Variants in FRAS1 observed in about 807,000 individuals in gnomAD.
FRAS1 encodes extracellular matrix organizing protein FRAS1.
In FRAS1, 290 loss-of-function variants were observed where a neutral mutation model predicts 435.2. The observed-to-expected ratio is 0.67, with a 90% CI of 0.61 to 0.73. The LOEUF (loss-of-function observed/expected upper bound fraction) is 0.73. Among genes scored for constraint, FRAS1 ranks in the 30% least tolerant of loss-of-function variants. The pLI is 0.00. For synonymous variants in FRAS1, 1,800 were observed against 1,851.0 expected (o/e 0.97, Z 0.71); for missense variants, 4,860 against 5,001.5 (o/e 0.97, Z 0.85).
At chr4:78,407,542 C>T (rs1249555715) in intron 30 of FRAS1, 121 bp from the exon 31 acceptor site, 1 of 746,880 alleles carries the variant, frequency 1.3e-6, no homozygotes, top group Non-Finnish European at 2.1e-6. Context: ...TCACCTTAGA[C>T]AAAAATAAAG....
chr4:78,141,362 G>T (rs1457889751), intron 2 of FRAS1, among the ~76,000 whole-genome samples: 2 of 152,146 alleles, frequency 1.3e-5, no homozygotes, highest in African/African-American at 2.4e-5. Flanking sequence ...GTTATGAAAA[G>T]AATGTTTATT....
intron 30 of FRAS1, among the ~76,000 whole-genome samples, chr4:78,406,963 G>T (rs1011307473): frequency 1.3e-5 from 2 of 152,130 alleles, no homozygotes; most frequent in Admixed American, 6.5e-5. Flanking sequence ...CACGTGAAAG[G>T]TTACAGCCAA....
chr4:78,409,718 A>C (rs1195520785), intron 31 of FRAS1, among the ~76,000 whole-genome samples: 2 of 152,206 alleles, frequency 1.3e-5, no homozygotes, highest in Admixed American at 1.3e-4. Flanking sequence ...AATTTGGTAA[A>C]GTGTCAGAGA....
At chr4:78,217,665 C>T (rs1260095267) in intron 2 of FRAS1, among the ~76,000 whole-genome samples, 2 of 152,072 alleles carry the variant, frequency 1.3e-5, no homozygotes, top group African/African-American at 4.8e-5. Flanking sequence ...TGGCAGTTGT[C>T]GCTCACTGCA....
Position 78,363,620 on chromosome 4 carries a change from C to T in FRAS1, c.2530C>T (p.Pro844Ser). Reference sequence around the variant, plus strand: ...CCTGCTGCTCGGGGACCACTGTGTTCCTGACTGCCCTTCAGGATACTATGC... The same window carrying T: ...CCTGCTGCTCGGGGACCACTGTGTTTCTGACTGCCCTTCAGGATACTATGC... ...HYLLLGDHCV[P>S]DCPSGYYAER... The change falls in exon 21 of 74, where the codon CCT becomes TCT. Residue 844 changes from proline to serine, a missense_variant. Pro to Ser is a moderately conservative substitution (Grantham distance 74). Transcript: ENST00000512123. 6.2e-7 allele frequency: 1 copy of T among 1,604,716 alleles called. No homozygotes were observed. Among genetic ancestry groups the T allele is most frequent in the Non-Finnish European group, 8.5e-7 (1 of 1,175,684 alleles).
chr4:78,488,569 C>T (rs1160651725), intron 58 of FRAS1, among the ~76,000 whole-genome samples: 1 of 152,188 alleles, frequency 6.6e-6, no homozygotes, highest in African/African-American at 2.4e-5. Context: ...ACAATTATCC[C>T]ATTTATTGAC....
At chr4:78,239,640 T>C (rs1724917281) in intron 3 of FRAS1, among the ~76,000 whole-genome samples, 1 of 152,176 alleles carries the variant, frequency 6.6e-6, no homozygotes, top group African/African-American at 2.4e-5. Flanking sequence ...ATTAATATTC[T>C]ACTGTTTTCT....
In FRAS1 at chr4:78,375,918, A is replaced by G. The variant is rs374024683; in HGVS notation, c.3292+39A>G. 5.0e-6 allele frequency: 8 copies of G among 1,607,706 alleles called. No homozygotes were observed. The South Asian group carries it at 5.5e-5, about 11-fold the overall frequency. On this transcript the variant is annotated intron_variant, in intron 26 of 73. Coordinates refer to ENST00000512123, the MANE Select transcript of FRAS1 (RefSeq NM_025074.7). ...CTCAGATGGTCTGGTGAATTTACCA[A>G]TAATTTCTCTATGTGAAGGCTGAGT... is the stretch of plus-strand genomic sequence containing the variant.
chr4:78,117,686 T>A (rs1278536925), intron 2 of FRAS1, among the ~76,000 whole-genome samples: 1 of 152,002 alleles, frequency 6.6e-6, no homozygotes, highest in East Asian at 1.9e-4. Context: ...CCATCAGGTC[T>A]TTTGAAGATT....
chr4:78,443,567 A>T (rs997061874), intron 41 of FRAS1, among the ~76,000 whole-genome samples: 3 of 152,250 alleles, frequency 2.0e-5, no homozygotes, highest in African/African-American at 7.2e-5. Context: ...CCCTCTGGGT[A>T]TCACTATATT....
intron 4 of FRAS1, among the ~76,000 whole-genome samples, chr4:78,247,048 A>G (rs181189127): frequency 1.5e-3 from 236 of 152,300 alleles, no homozygotes; most frequent in Non-Finnish European, 2.8e-3. Flanking sequence ...TCTTTTCTCC[A>G]ACTTCTCTAT....
At chr4:78,180,363 C>T (rs1455782354) in intron 2 of FRAS1, among the ~76,000 whole-genome samples, 4 of 152,138 alleles carry the variant, frequency 2.6e-5, no homozygotes, top group Non-Finnish European at 5.9e-5. Flanking sequence ...TAGTATTCCA[C>T]ACAGAATAAA....
chr4:78,460,867 A>G (rs1265625964), intron 47 of FRAS1, among the ~76,000 whole-genome samples: 2 of 152,246 alleles, frequency 1.3e-5, no homozygotes, highest in Admixed American at 1.3e-4. Flanking sequence ...AAATGTCATT[A>G]TGTGACGCAT....
chr4:78,114,603 G>T (rs886846116), intron 2 of FRAS1, among the ~76,000 whole-genome samples: 13 of 151,864 alleles, frequency 8.6e-5, no homozygotes, highest in African/African-American at 2.9e-4. Flanking sequence ...GTGAATGGGG[G>T]TTCACTCATG....
At chr4:78,327,655 TA>T (rs368891611) in intron 18 of FRAS1, among the ~76,000 whole-genome samples, 126 of 152,320 alleles carry the variant, frequency 8.3e-4, no homozygotes, top group African/African-American at 2.9e-3. Flanking sequence ...AGGCAGTCTC[TA>T]AAAATGTAGT....
At chr4:78,444,085 G>T (rs1286177089) in intron 41 of FRAS1, 1 of 436,814 alleles carries the variant, frequency 2.3e-6, no homozygotes, top group South Asian at 1.6e-5. Context: ...GAAGTCCTGG[G>T]CTCAAGCAAT....
chr4:78,150,243 CA>C (rs1720588948), intron 2 of FRAS1, among the ~76,000 whole-genome samples: 1 of 152,144 alleles, frequency 6.6e-6, no homozygotes, highest in East Asian at 1.9e-4. Context: ...TGCTTTTAAG[CA>C]AGAGTGCTAA....
chr4:78,433,158 A>G (rs181887778), intron 38 of FRAS1, among the ~76,000 whole-genome samples: 1 of 152,326 alleles, frequency 6.6e-6, no homozygotes, highest in East Asian at 1.9e-4. Flanking sequence ...TAGGAGGCCA[A>G]GGAGAGGATC....
intron 2 of FRAS1, among the ~76,000 whole-genome samples, chr4:78,202,576 A>G (rs1369815082): frequency 1.3e-5 from 2 of 152,192 alleles, no homozygotes; most frequent in African/African-American, 4.8e-5. Flanking sequence ...TTCTAATCCC[A>G]GCTACTCGGG....
Sources: allele counts gnomAD v4.1 joint callset (sites outside exome capture counted in the v4.1 genomes callset), GRCh38; gene constraint gnomAD v4.1.1; transcripts MANE v1.5; gene names NCBI Gene and HGNC (gene_info 2026-07-23, HGNC 2026-07-21).